Variants in FAT3 observed in about 807,000 individuals in gnomAD.
The protein encoded by FAT3 is protocadherin Fat 3.
FAT3 carries 95 observed loss-of-function variants against 310.2 expected under a neutral mutation model. The observed-to-expected ratio is 0.31, with a 90% CI of 0.26 to 0.36. FAT3 has a LOEUF of 0.36. FAT3 is among the 10% of genes least tolerant of loss of function. FAT3 has a pLI of 1.00. For missense variants in FAT3, 5,408 were observed against 5,715.6 expected, an observed-to-expected ratio of 0.95 and a Z score of 1.74; for synonymous variants, 2,314 against 2,192.9, an observed-to-expected ratio of 1.06 and a Z score of -1.54.
intron 2 of FAT3, chr11:92,367,379 T>C (rs1949054140): frequency 6.4e-6 from 1 of 155,562 alleles, no homozygotes; most frequent in Non-Finnish European, 1.4e-5. Flanking sequence ...GAAGACTGCT[T>C]GAGCCCAGGC....
intron 4 of FAT3, among the ~76,000 whole-genome samples, chr11:92,740,971 T>C (rs1423234355): frequency 6.6e-6 from 1 of 152,184 alleles, no homozygotes; most frequent in Non-Finnish European, 1.5e-5. Context: ...TTTCCTTTAC[T>C]TATCCTGCCC....
chr11:92,577,776 C>G (rs1938561821), intron 3 of FAT3, among the ~76,000 whole-genome samples: 1 of 152,038 alleles, frequency 6.6e-6, no homozygotes, highest in African/African-American at 2.4e-5. Flanking sequence ...CTGGGAGATA[C>G]TTGGCCTATT....
At chr11:92,824,224 G>T (rs1300167912) in intron 13 of FAT3, among the ~76,000 whole-genome samples, 7 of 152,074 alleles carry the variant, frequency 4.6e-5, no homozygotes, top group Non-Finnish European at 8.8e-5. Flanking sequence ...GGGCATGGTG[G>T]TGTGTGCCTG....
intron 2 of FAT3, among the ~76,000 whole-genome samples, chr11:92,397,656 T>C (rs1949904945): frequency 6.6e-6 from 1 of 152,140 alleles, no homozygotes; most frequent in African/African-American, 2.4e-5. Context: ...CGTTTAATTG[T>C]GCTGCTCTTT....
At chr11:92,416,737 G>T (rs1950423770) in intron 2 of FAT3, among the ~76,000 whole-genome samples, 1 of 152,192 alleles carries the variant, frequency 6.6e-6, no homozygotes. Flanking sequence ...GGGGCGTGAG[G>T]TCACCTGTGA....
At position 92,700,165 on chromosome 11, in the gene FAT3, T is replaced by C. The variant is rs528429324; in HGVS notation, c.3669+2720T>C. On this transcript the variant is annotated intron_variant, in intron 4 of 27. Coordinates refer to ENST00000525166, the MANE Select transcript of FAT3 (RefSeq NM_001367949.2). ...GAAAGCGGGGGGTGACAGGCAACAT[T>C]CAGTAGACTAGTAGACTTGTTTGAC... Among the ~76,000 whole-genome samples the C allele has an allele frequency of 2.6e-5, 4 of 152,272 alleles. No individual in the cohort carries two copies. In the South Asian group the frequency reaches 8.3e-4, roughly 32 times the overall value.
chr11:92,809,462 C>T (rs1192439241), intron 12 of FAT3, among the ~76,000 whole-genome samples: 1 of 152,160 alleles, frequency 6.6e-6, no homozygotes, highest in Non-Finnish European at 1.5e-5. Context: ...ACCAGATATA[C>T]CAGTCCATTC....
chr11:92,413,233 C>T (rs1950335568), intron 2 of FAT3, among the ~76,000 whole-genome samples: 1 of 152,048 alleles, frequency 6.6e-6, no homozygotes, highest in African/African-American at 2.4e-5. Context: ...TGTTTGAAAA[C>T]ATGTTTGTTG....
At chr11:92,391,752 T>G (rs1949754304) in intron 2 of FAT3, among the ~76,000 whole-genome samples, 1 of 152,232 alleles carries the variant, frequency 6.6e-6, no homozygotes, top group African/African-American at 2.4e-5. Context: ...TTTAGATCAT[T>G]TACTCATTTC....
chr11:92,870,737 C>T (rs1400318010), intron 22 of FAT3, among the ~76,000 whole-genome samples: 2 of 152,154 alleles, frequency 1.3e-5, no homozygotes, highest in African/African-American at 2.4e-5. Flanking sequence ...GGCAGCATGG[C>T]ATGAAACCAG....
chr11:92,743,818 A>G (rs1945576471), intron 4 of FAT3, among the ~76,000 whole-genome samples: 1 of 152,126 alleles, frequency 6.6e-6, no homozygotes. Context: ...ATAACAGGGG[A>G]ACTGGGGGCT....
At chr11:92,484,297 C>A (rs1033988185) in intron 2 of FAT3, among the ~76,000 whole-genome samples, 1 of 151,846 alleles carries the variant, frequency 6.6e-6, no homozygotes, top group Non-Finnish European at 1.5e-5. Flanking sequence ...CTTTCTTATG[C>A]TAGAATTGTT....
At chr11:92,284,616 G>T (rs1946513777) in intron 1 of FAT3, among the ~76,000 whole-genome samples, 1 of 152,098 alleles carries the variant, frequency 6.6e-6, no homozygotes, top group African/African-American at 2.4e-5. Context: ...GAATTCATTT[G>T]TCAACCTTAG....
At chr11:92,826,133 T>C (rs945528650) in intron 13 of FAT3, among the ~76,000 whole-genome samples, 2 of 152,160 alleles carry the variant, frequency 1.3e-5, no homozygotes, top group African/African-American at 4.8e-5. Context: ...AATGGAAGTG[T>C]CATAGCCTGT....
At chr11:92,797,122 T>A (rs1486829168) in intron 9 of FAT3, among the ~76,000 whole-genome samples, 1 of 152,202 alleles carries the variant, frequency 6.6e-6, no homozygotes, top group Non-Finnish European at 1.5e-5. Flanking sequence ...GATGTGTGCA[T>A]GTGTGTGTTC....
chr11:92,466,333 C>T (rs1452334432), intron 2 of FAT3, among the ~76,000 whole-genome samples: 1 of 151,956 alleles, frequency 6.6e-6, no homozygotes, highest in African/African-American at 2.4e-5. Flanking sequence ...AATAGTTAAA[C>T]CAGGAAGTGG....
At chr11:92,255,487 A>G (rs777463565) in intron 1 of FAT3, among the ~76,000 whole-genome samples, 10 of 152,238 alleles carry the variant, frequency 6.6e-5, no homozygotes, top group South Asian at 6.2e-4. Context: ...TATTAAATAT[A>G]TGAATGACTG....
At chr11:92,248,981 T>C (rs1442676604) in intron 1 of FAT3, among the ~76,000 whole-genome samples, 1 of 152,116 alleles carries the variant, frequency 6.6e-6, no homozygotes, top group East Asian at 1.9e-4. Context: ...TACGATCACA[T>C]AACTAAGTAG....
chr11:92,446,647 A>G (rs1951217556), intron 2 of FAT3, among the ~76,000 whole-genome samples: 1 of 152,164 alleles, frequency 6.6e-6, no homozygotes, highest in African/African-American at 2.4e-5. Flanking sequence ...AAGACATACT[A>G]CCATTTTCTT....
Sources: gnomAD v4.1 joint callset for allele counts (sites outside exome capture counted in the v4.1 genomes callset) on GRCh38, gnomAD v4.1.1 for gene constraint, MANE v1.5 for transcripts, NCBI Gene and HGNC (gene_info 2026-07-23, HGNC 2026-07-21) for gene names.